The following SLC22A16 variants were observed in gnomAD, a reference collection of about 807,000 sequenced individuals.
The protein encoded by SLC22A16 is solute carrier family 22 member 16.
In SLC22A16, 53 loss-of-function variants were observed where a neutral mutation model predicts 52.9. The ratio of observed to expected loss-of-function variants is 1.00; its 90% CI spans 0.80 to 1.26. The LOEUF is 1.26. Among genes scored for constraint, SLC22A16 ranks in the 50% most tolerant of loss-of-function variants. The pLI, the probability that SLC22A16 is intolerant of heterozygous loss-of-function variation, is 0.00. For missense variants in SLC22A16, 726 were observed against 704.0 expected, an observed-to-expected ratio of 1.03 and a Z score of -0.35; for synonymous variants, 291 against 268.8, an observed-to-expected ratio of 1.08 and a Z score of -0.81.
At chr6:110,471,769 T>C (rs1280101006) in intron 1 of SLC22A16, among the ~76,000 whole-genome samples, 3 of 152,228 alleles carry the variant, frequency 2.0e-5, no homozygotes, top group African/African-American at 7.2e-5. Flanking sequence ...GTGTTCACTG[T>C]ATGACAACTC....
chr6:110,462,856 T>C (rs953009596), intron 1 of SLC22A16, among the ~76,000 whole-genome samples: 1 of 151,888 alleles, frequency 6.6e-6, no homozygotes, highest in Non-Finnish European at 1.5e-5. Context: ...AAGAAAAAAA[T>C]CTTAAAGGCA....
At position 110,435,980 on chromosome 6, in the gene SLC22A16, A is replaced by C. The variant is rs111382042; in HGVS notation, c.1312-19T>G. 1,911 of 1,495,192 alleles carry C rather than the reference A, an allele frequency of 1.3e-3. 15 individuals are homozygous for C. In the African/African-American group the frequency reaches 0.018, roughly 14 times the overall value. The allele number at this position is 1,495,192 out of a possible 1,614,324, so 92.6% of individuals were successfully genotyped here. ...AATGTTTCTGAAAAAAATTTAGCAG[A>C]ATAGATCATCACAAGTGGTATTTTT... is the stretch of plus-strand genomic sequence containing the variant. On this transcript the variant is annotated intron_variant, in intron 5 of 7. Coordinates refer to ENST00000368919, the MANE Select transcript of SLC22A16 (RefSeq NM_033125.4).
chr6:110,469,427 T>C (rs1388199153), intron 1 of SLC22A16, among the ~76,000 whole-genome samples: 1 of 152,166 alleles, frequency 6.6e-6, no homozygotes, highest in Non-Finnish European at 1.5e-5. Context: ...CGGGTGACTG[T>C]AGTCCCAGCT....
At chr6:110,434,824 A>T (rs1006010552) in intron 6 of SLC22A16, among the ~76,000 whole-genome samples, 3 of 152,170 alleles carry the variant, frequency 2.0e-5, no homozygotes, top group African/African-American at 7.2e-5. Flanking sequence ...CTAAAAATAC[A>T]AAAATTAGCC....
chr6:110,433,886 T>C (rs1456007093), intron 6 of SLC22A16, among the ~76,000 whole-genome samples: 2 of 152,144 alleles, frequency 1.3e-5, no homozygotes, highest in Admixed American at 6.5e-5. Flanking sequence ...TTGGCAGCAG[T>C]GTGACCCTAA....
chr6:110,431,188 A>C lies in SLC22A16; in HGVS notation c.1504T>G (p.Trp502Gly). 6.2e-7 allele frequency: 1 copy of C among 1,613,922 alleles called. No individual in the cohort carries two copies. Among genetic ancestry groups the C allele is most frequent in the Non-Finnish European group, 8.5e-7 (1 of 1,179,972 alleles). ...AAGCACACCTGTGGTATGAAGATCCAAATGCTGCTGAGGTCCACAGAGAAC... is the reference window on the plus strand; with the variant it reads ...AAGCACACCTGTGGTATGAAGATCCCAATGCTGCTGAGGTCCACAGAGAAC... ...APFSVDLSSI[W>G]IFIPQLFVGT... Residue 502 changes from tryptophan (W) to glycine (G), a missense_variant, in exon 7 of 8, where the codon TGG (tryptophan) becomes GGG (glycine). Physicochemically the swap from Trp to Gly is radical, Grantham distance 184 (BLOSUM62 -2). Coordinates refer to ENST00000368919, the MANE Select transcript of SLC22A16 (RefSeq NM_033125.4).
chr6:110,447,051 C>G, intron 2 of SLC22A16, 61 bp from the exon 3 acceptor site: 1 of 1,296,452 alleles, frequency 7.7e-7, no homozygotes, highest in South Asian at 1.3e-5. Context: ...TTTAAACATC[C>G]ACTCCAATTC....
intron 1 of SLC22A16, among the ~76,000 whole-genome samples, chr6:110,473,408 A>G (rs1201533966): frequency 1.3e-5 from 2 of 150,092 alleles, no homozygotes; most frequent in African/African-American, 4.9e-5. Context: ...ATGGAGCTTA[A>G]GCTGTGAAGT....
chr6:110,455,286 G>A (rs907033117), intron 2 of SLC22A16: 36 of 152,068 alleles, frequency 2.4e-4, no homozygotes, highest in African/African-American at 8.2e-4. Context: ...AGTTTCAAGA[G>A]TCAAGCAGTG....
At chr6:110,462,778 T>C (rs1775930983) in intron 1 of SLC22A16, among the ~76,000 whole-genome samples, 1 of 152,086 alleles carries the variant, frequency 6.6e-6, no homozygotes. Context: ...AGAGAATATC[T>C]GGGAGATACT....
intron 1 of SLC22A16, among the ~76,000 whole-genome samples, chr6:110,472,074 C>G (rs538494286): frequency 6.6e-6 from 1 of 152,312 alleles, no homozygotes; most frequent in Non-Finnish European, 1.5e-5. Context: ...ACAAGGAACT[C>G]AAGGTAAACC....
intron 7 of SLC22A16, 63 bp from the exon 8 acceptor site, chr6:110,425,148 T>C (rs17493602): frequency 0.084 from 134,382 of 1,591,346 alleles, 5,937 homozygotes; most frequent in Middle Eastern, 0.11. Flanking sequence ...CTTCGGAGAA[T>C]AGAATTTCCT....
chr6:110,446,862 A>G lies in SLC22A16; in HGVS notation c.651+11T>C, dbSNP rs2114954463. 1 of 1,601,518 alleles carries G rather than the reference A, an allele frequency of 6.2e-7. No homozygotes were observed. The highest frequency in any genetic ancestry group is 8.5e-7 in the Non-Finnish European group (1 of 1,175,434). ...TGCAGCAGAATTAAAGAAGTAAAAAACACAACTCACCATGGCAAGAAAAAA... is the reference window on the plus strand; with the variant it reads ...TGCAGCAGAATTAAAGAAGTAAAAAGCACAACTCACCATGGCAAGAAAAAA... On this transcript the variant is annotated intron_variant, in intron 3 of 7. Coordinates refer to ENST00000368919, the MANE Select transcript of SLC22A16 (RefSeq NM_033125.4).
intron 1 of SLC22A16, among the ~76,000 whole-genome samples, chr6:110,464,512 T>C (rs772798037): frequency 2.0e-5 from 3 of 152,006 alleles, no homozygotes; most frequent in Admixed American, 6.6e-5. Flanking sequence ...GAGACTACTA[T>C]GAACATCTCT....
At chr6:110,425,122 A>G in intron 7 of SLC22A16, 37 bp from the exon 8 acceptor site, 1 of 1,611,758 alleles carries the variant, frequency 6.2e-7, no homozygotes. Flanking sequence ...GTGACACATC[A>G]AGAAAGGAAC....
chr6:110,426,034 A>C (rs2114867919), intron 7 of SLC22A16, among the ~76,000 whole-genome samples: 1 of 152,364 alleles, frequency 6.6e-6, no homozygotes, highest in East Asian at 1.9e-4. Context: ...GCAAGTGTGA[A>C]GTGATGCCAG....
At chr6:110,432,444 G>T (rs1399008493) in intron 6 of SLC22A16, among the ~76,000 whole-genome samples, 1 of 152,174 alleles carries the variant, frequency 6.6e-6, no homozygotes, top group Non-Finnish European at 1.5e-5. Context: ...CATATAACAT[G>T]CATTCACTCA....
chr6:110,466,088 CAGA>C (rs2115018138), intron 1 of SLC22A16, among the ~76,000 whole-genome samples: 1 of 152,158 alleles, frequency 6.6e-6, no homozygotes, highest in South Asian at 2.1e-4. Context: ...TTGCTATATG[CAGA>C]AGAATGAAAC....
intron 3 of SLC22A16, among the ~76,000 whole-genome samples, chr6:110,446,003 T>C (rs1490960735): frequency 6.6e-6 from 1 of 152,214 alleles, no homozygotes; most frequent in Non-Finnish European, 1.5e-5. Context: ...AAACCCTTTC[T>C]ATCCATCAAA....
Sources: allele counts gnomAD v4.1 joint callset (sites outside exome capture counted in the v4.1 genomes callset), GRCh38; gene constraint gnomAD v4.1.1; transcripts MANE v1.5; gene names NCBI Gene and HGNC (gene_info 2026-07-23, HGNC 2026-07-21).